Variants in AGBL1 observed in about 807,000 individuals in gnomAD.
AGBL1 encodes the protein cytosolic carboxypeptidase 4.
A neutral mutation model predicts 118.9 loss-of-function variants in AGBL1; 130 were observed. The observed-to-expected ratio is 1.09, with a 90% CI of 0.95 to 1.26. AGBL1 has a LOEUF of 1.26. Among genes scored for constraint, AGBL1 ranks in the 50% most tolerant of loss-of-function variants. AGBL1 has a pLI of 0.00. For missense variants in AGBL1, 1,584 were observed against 1,298.1 expected, an observed-to-expected ratio of 1.22 and a Z score of -3.38; for synonymous variants, 555 against 478.9, an observed-to-expected ratio of 1.16 and a Z score of -2.08.
intron 22 of AGBL1, among the ~76,000 whole-genome samples, chr15:86,813,596 G>T (rs967065826): frequency 6.6e-6 from 1 of 152,014 alleles, no homozygotes; most frequent in African/African-American, 2.4e-5. Context: ...ATCTCTCTCA[G>T]GCCAACAGAC....
At chr15:86,560,129 CT>C (rs1003690049) in intron 21 of AGBL1, among the ~76,000 whole-genome samples, 7 of 150,916 alleles carry the variant, frequency 4.6e-5, no homozygotes, top group South Asian at 4.2e-4. Flanking sequence ...TGCAATTTTT[CT>C]TTTTTTTCTT....
intron 21 of AGBL1, among the ~76,000 whole-genome samples, chr15:86,565,870 C>A (rs1031954460): frequency 6.6e-6 from 1 of 152,202 alleles, no homozygotes; most frequent in Non-Finnish European, 1.5e-5. Flanking sequence ...CCTTGCAGTT[C>A]GATCTCAGAC....
intron 20 of AGBL1, among the ~76,000 whole-genome samples, chr15:86,551,095 G>A (rs1179132634): frequency 1.3e-5 from 2 of 151,852 alleles, no homozygotes; most frequent in East Asian, 3.9e-4. Flanking sequence ...TACACAGAAG[G>A]AACTTTGTAA....
chr15:86,084,466 G>A (rs1014729580), intron 1 of AGBL1, among the ~76,000 whole-genome samples: 2 of 152,198 alleles, frequency 1.3e-5, no homozygotes, highest in African/African-American at 2.4e-5. Context: ...GATGGTTAAG[G>A]AAAGGATAAG....
At chr15:86,803,792 T>A (rs766517883) in intron 22 of AGBL1, among the ~76,000 whole-genome samples, 2 of 152,126 alleles carry the variant, frequency 1.3e-5, no homozygotes, top group Non-Finnish European at 2.9e-5. Flanking sequence ...TTTGACAATG[T>A]CTGGGAACAT....
chr15:86,593,202 T>C (rs1252169757), intron 21 of AGBL1, among the ~76,000 whole-genome samples: 3 of 152,196 alleles, frequency 2.0e-5, no homozygotes, highest in African/African-American at 7.2e-5. Context: ...CTGTGAGCAC[T>C]TTTTTAGTTC....
In AGBL1 at chr15:86,336,267, C is replaced by A. The variant is rs975554388; in HGVS notation, c.2374+40859C>A. ...TACATCTGCTCCAGGCTGTGACTTA[C>A]ATTTTACTCATGGGGTTGGGTTCTG... On this transcript the variant is annotated intron_variant, in intron 17 of 22. Coordinates refer to ENST00000614907, the MANE Select transcript of AGBL1 (RefSeq NM_001386094.1). Among the ~76,000 whole-genome samples the A allele has an allele frequency of 2.6e-5, 4 of 152,314 alleles. No homozygotes were observed. The South Asian group carries it at 6.2e-4, about 24-fold the overall frequency.
chr15:86,206,400 A>G (rs369780082), intron 5 of AGBL1, among the ~76,000 whole-genome samples: 4 of 152,100 alleles, frequency 2.6e-5, no homozygotes, highest in African/African-American at 9.7e-5. Context: ...CTGTCTTCCA[A>G]AATGGTTGAA....
chr15:86,560,607 C>A (rs1334104738), intron 21 of AGBL1, among the ~76,000 whole-genome samples: 1 of 152,214 alleles, frequency 6.6e-6, no homozygotes, highest in Non-Finnish European at 1.5e-5. Flanking sequence ...CACACATGTG[C>A]ATCTGTCTTT....
chr15:86,502,995 A>C (rs1310808980), intron 18 of AGBL1, among the ~76,000 whole-genome samples: 1 of 151,404 alleles, frequency 6.6e-6, no homozygotes, highest in Non-Finnish European at 1.5e-5. Context: ...ATTGGTTTTA[A>C]TTCTTCCTTA....
intron 24 of AGBL1, among the ~76,000 whole-genome samples, chr15:86,996,987 A>G (rs1387140346): frequency 6.6e-6 from 1 of 152,144 alleles, no homozygotes; most frequent in Non-Finnish European, 1.5e-5. Flanking sequence ...TATTTCTAGA[A>G]TCATAACCAT....
intron 21 of AGBL1, among the ~76,000 whole-genome samples, chr15:86,583,358 C>T (rs2084200626): frequency 1.3e-5 from 2 of 152,182 alleles, no homozygotes; most frequent in Admixed American, 1.3e-4. Flanking sequence ...CCCCTCTCTC[C>T]AGTGTCTATT....
At chr15:86,805,446 C>T (rs937361124) in intron 22 of AGBL1, among the ~76,000 whole-genome samples, 9 of 152,158 alleles carry the variant, frequency 5.9e-5, no homozygotes, top group African/African-American at 2.2e-4. Context: ...TACTGCCAAC[C>T]ACTCAGCATC....
At chr15:86,140,197 T>G (rs952338179) in intron 1 of AGBL1, 3 of 152,536 alleles carry the variant, frequency 2.0e-5, no homozygotes, top group Admixed American at 6.5e-5. Flanking sequence ...ATTAGTTGAT[T>G]TTTTCAATTA....
chr15:86,386,466 T>G (rs2081197499), intron 17 of AGBL1, among the ~76,000 whole-genome samples: 1 of 150,444 alleles, frequency 6.6e-6, no homozygotes, highest in African/African-American at 2.5e-5. Context: ...TTGACTGTGG[T>G]ATGGAAAATT....
At chr15:86,521,032 G>T (rs192475680) in intron 18 of AGBL1, among the ~76,000 whole-genome samples, 1 of 152,222 alleles carries the variant, frequency 6.6e-6, no homozygotes, top group African/African-American at 2.4e-5. Context: ...AGCAGGCAAA[G>T]AATAAAAAAT....
intron 18 of AGBL1, among the ~76,000 whole-genome samples, chr15:86,435,934 C>T (rs930311638): frequency 2.0e-5 from 3 of 152,138 alleles, no homozygotes; most frequent in Non-Finnish European, 4.4e-5. Flanking sequence ...TAATTATTAA[C>T]AACTATCATT....
intron 18 of AGBL1, among the ~76,000 whole-genome samples, chr15:86,419,716 T>G (rs2081759735): frequency 6.6e-6 from 1 of 152,174 alleles, no homozygotes; most frequent in African/African-American, 2.4e-5. Context: ...TTCACTGGCT[T>G]GAAATTCTCG....
At chr15:86,677,199 T>G (rs144354237) in intron 22 of AGBL1, among the ~76,000 whole-genome samples, 1 of 152,264 alleles carries the variant, frequency 6.6e-6, no homozygotes, top group African/African-American at 2.4e-5. Context: ...TAGAGTGTAC[T>G]CAATATCCAC....
Sources: allele counts gnomAD v4.1 joint callset (sites outside exome capture counted in the v4.1 genomes callset), GRCh38; gene constraint gnomAD v4.1.1; transcripts MANE v1.5; gene names NCBI Gene and HGNC (gene_info 2026-07-23, HGNC 2026-07-21).